TMEM74: variants seen among roughly 807,000 people sequenced by gnomAD.
TMEM74 encodes transmembrane protein 74.
Under a neutral mutation model 18.1 loss-of-function variants are expected in TMEM74, and 13 were observed. The ratio of observed to expected loss-of-function variants is 0.72; its 90% CI spans 0.47 to 1.14. The LOEUF is 1.14. Among genes scored for constraint, TMEM74 ranks in the 50% most tolerant of loss-of-function variants. TMEM74 has a pLI of 0.00. For synonymous variants in TMEM74, 159 were observed against 146.6 expected (o/e 1.08, Z -0.61); for missense variants, 372 against 375.9 (o/e 0.99, Z 0.09).
At chr8:108,625,703 A>C (rs1181163878) in intron 2 of TMEM74, among the ~76,000 whole-genome samples, 8 of 151,988 alleles carry the variant, frequency 5.3e-5, no homozygotes, top group African/African-American at 1.9e-4. Flanking sequence ...CCCACTATGC[A>C]AAATAATTCT....
intron 2 of TMEM74, among the ~76,000 whole-genome samples, chr8:108,613,782 A>T (rs1812357704): frequency 6.6e-6 from 1 of 152,206 alleles, no homozygotes; most frequent in Admixed American, 6.5e-5. Context: ...CCAGGGCTCT[A>T]GACCTTACAT....
intron 1 of TMEM74, among the ~76,000 whole-genome samples, chr8:108,739,317 A>G (rs985414317): frequency 1.3e-5 from 2 of 152,226 alleles, no homozygotes; most frequent in Admixed American, 1.3e-4. Context: ...ACTGGGCAAT[A>G]CAGTCTCATG....
At chr8:108,710,324 A>C (rs766875091) in intron 1 of TMEM74, among the ~76,000 whole-genome samples, 34 of 152,240 alleles carry the variant, frequency 2.2e-4, no homozygotes, top group Non-Finnish European at 7.3e-5. Context: ...TTAACATGTG[A>C]TGAGAGCAGG....
chr8:108,787,266 G>A (rs550385856), intron 1 of TMEM74, among the ~76,000 whole-genome samples: 83 of 152,304 alleles, frequency 5.4e-4, no homozygotes, highest in African/African-American at 1.9e-3. Flanking sequence ...CAAGCACCTG[G>A]CAGCGGTGCC....
At chr8:108,692,459 C>A (rs1489806054) in intron 1 of TMEM74, among the ~76,000 whole-genome samples, 1 of 152,172 alleles carries the variant, frequency 6.6e-6, no homozygotes, top group Non-Finnish European at 1.5e-5. Flanking sequence ...CCACCCCTTA[C>A]TGGCATTCCT....
intron 1 of TMEM74, among the ~76,000 whole-genome samples, chr8:108,759,454 C>A (rs942860740): frequency 1.3e-5 from 2 of 152,130 alleles, no homozygotes; most frequent in Non-Finnish European, 2.9e-5. Context: ...GTATGTATTG[C>A]AGCAATGTTT....
chr8:108,771,341 T>A (rs2130671635), intron 1 of TMEM74, among the ~76,000 whole-genome samples: 1 of 152,266 alleles, frequency 6.6e-6, no homozygotes, highest in African/African-American at 2.4e-5. Flanking sequence ...TATTTGTAAA[T>A]TCCTTGACTC....
At chr8:108,715,445 G>A (rs1430712526) in intron 1 of TMEM74, among the ~76,000 whole-genome samples, 1 of 151,890 alleles carries the variant, frequency 6.6e-6, no homozygotes, top group Non-Finnish European at 1.5e-5. Context: ...AAAAAAATGA[G>A]TTGCCTTTAA....
At chr8:108,652,392 A>G (rs1692183279) in intron 2 of TMEM74, 1 of 245,138 alleles carries the variant, frequency 4.1e-6, no homozygotes, top group Admixed American at 5.6e-5. Flanking sequence ...GGGAATTAGA[A>G]GGGAGTGCTT....
intron 1 of TMEM74, among the ~76,000 whole-genome samples, chr8:108,726,691 A>T (rs1298331509): frequency 6.6e-6 from 1 of 152,054 alleles, no homozygotes; most frequent in African/African-American, 2.4e-5. Context: ...ACAACTATTC[A>T]TTAAGTTCTA....
chr8:108,760,175 G>GGA lies in TMEM74; in HGVS notation n.119+27299_119+27300dup, dbSNP rs372338811. Among the ~76,000 whole-genome samples the GGA allele has an allele frequency of 3.4e-4, 46 of 136,634 alleles. No individual in the cohort carries two copies. In the South Asian group the frequency reaches 5.2e-3, roughly 16 times the overall value. The allele number at this position is 136,634 out of a possible 152,430, so 89.6% of individuals were successfully genotyped here. ...GAGAGAGAGAGAGAGAGAGAGAGAG[G>GGA]GAGAGAGAGAGGGAGAGAGAGAGAG... On this transcript the variant is annotated intron_variant and non_coding_transcript_variant, in intron 1 of 3. Coordinates refer to the TMEM74 transcript ENST00000518838.
chr8:108,726,527 C>T (rs1395354314), intron 1 of TMEM74, among the ~76,000 whole-genome samples: 3 of 152,062 alleles, frequency 2.0e-5, no homozygotes, highest in Admixed American at 6.5e-5. Context: ...TTAATAGGTA[C>T]GGTGTAACAA....
At chr8:108,761,489 T>G (rs1446334346) in intron 1 of TMEM74, among the ~76,000 whole-genome samples, 1 of 152,158 alleles carries the variant, frequency 6.6e-6, no homozygotes, top group Non-Finnish European at 1.5e-5. Context: ...CTAGGCCATG[T>G]CTGAAACAAA....
At chr8:108,748,392 G>T (rs34389344) in intron 1 of TMEM74, among the ~76,000 whole-genome samples, 1 of 151,962 alleles carries the variant, frequency 6.6e-6, no homozygotes, top group African/African-American at 2.4e-5. Flanking sequence ...TATGTCCTTT[G>T]CCCACTTTTA....
chr8:108,733,794 G>T (rs1813719061), intron 1 of TMEM74, among the ~76,000 whole-genome samples: 1 of 152,132 alleles, frequency 6.6e-6, no homozygotes, highest in South Asian at 2.1e-4. Context: ...TTCATACCAC[G>T]GTGAATGGCC....
intron 2 of TMEM74, among the ~76,000 whole-genome samples, chr8:108,620,988 A>T (rs758353891): frequency 6.6e-5 from 10 of 152,168 alleles, no homozygotes; most frequent in Non-Finnish European, 1.2e-4. Flanking sequence ...TGCTCCCATG[A>T]TGCCTGGTCC....
At chr8:108,737,667 T>C (rs1041118782) in intron 1 of TMEM74, among the ~76,000 whole-genome samples, 2 of 152,176 alleles carry the variant, frequency 1.3e-5, no homozygotes, top group Non-Finnish European at 2.9e-5. Context: ...CTTAGATCTC[T>C]GTAGCTGCAG....
At chr8:108,684,012 C>T (rs1193922442) in intron 1 of TMEM74, among the ~76,000 whole-genome samples, 2 of 152,050 alleles carry the variant, frequency 1.3e-5, no homozygotes, top group African/African-American at 4.8e-5. Flanking sequence ...TGTTGTTGGA[C>T]ACTTAGATTG....
intron 2 of TMEM74, among the ~76,000 whole-genome samples, chr8:108,644,575 T>A (rs2130565012): frequency 6.6e-6 from 1 of 152,202 alleles, no homozygotes; most frequent in East Asian, 1.9e-4. Flanking sequence ...CCCTGCAGAA[T>A]GAGAGAAAAC....
Sources: allele counts gnomAD v4.1 joint callset (sites outside exome capture counted in the v4.1 genomes callset), GRCh38; gene constraint gnomAD v4.1.1; transcripts MANE v1.5; gene names NCBI Gene and HGNC (gene_info 2026-07-23, HGNC 2026-07-21).